The following PPP2R5A variants were observed in gnomAD, a reference collection of about 807,000 sequenced individuals.
PPP2R5A encodes serine/threonine-protein phosphatase 2A 56 kDa regulatory subunit alpha isoform.
PPP2R5A carries 25 observed loss-of-function variants against 64.2 expected under a neutral mutation model. The ratio of observed to expected loss-of-function variants is 0.39; its 90% CI spans 0.28 to 0.54. The LOEUF (loss-of-function observed/expected upper bound fraction) is 0.54, where lower values mean the gene tolerates loss of function less well. Among genes scored for constraint, PPP2R5A ranks in the 20% least tolerant of loss-of-function variants. The pLI is 0.67. For synonymous variants in PPP2R5A, 198 were observed against 201.2 expected (o/e 0.98, Z 0.13); for missense variants, 425 against 576.3 (o/e 0.74, Z 2.69).
chr1:212,340,055 A>T (rs1245686256), intron 3 of PPP2R5A, among the ~76,000 whole-genome samples: 1 of 149,064 alleles, frequency 6.7e-6, no homozygotes, highest in Non-Finnish European at 1.5e-5. Flanking sequence ...GCACGTTAGG[A>T]TGCTGAGGCG....
chr1:212,310,625 C>T (rs12143853), intron 1 of PPP2R5A, among the ~76,000 whole-genome samples: 23,483 of 152,124 alleles, frequency 0.15, 2,507 homozygotes, highest in East Asian at 0.36. Flanking sequence ...AGCAGCAGCC[C>T]GAGGTCTTCT....
At chr1:212,295,714 T>C (rs1658681484) in intron 1 of PPP2R5A, among the ~76,000 whole-genome samples, 1 of 151,730 alleles carries the variant, frequency 6.6e-6, no homozygotes, top group African/African-American at 2.4e-5. Flanking sequence ...AACTGGGGGA[T>C]GGGTGGGGAA....
At chr1:212,314,030 CT>C (rs1278880886) in intron 1 of PPP2R5A, among the ~76,000 whole-genome samples, 1 of 152,164 alleles carries the variant, frequency 6.6e-6, no homozygotes, top group Non-Finnish European at 1.5e-5. Context: ...TTATTTATCT[CT>C]TTCATACATT....
intron 6 of PPP2R5A, among the ~76,000 whole-genome samples, chr1:212,347,743 A>G (rs1263687819): frequency 1.3e-5 from 2 of 151,930 alleles, no homozygotes; most frequent in Non-Finnish European, 2.9e-5. Flanking sequence ...ATGGGGTTTC[A>G]CCGTGTTGGC....
chr1:212,320,021 A>T (rs112703791), intron 1 of PPP2R5A, among the ~76,000 whole-genome samples: 22,307 of 145,160 alleles, frequency 0.15, 2,351 homozygotes, highest in East Asian at 0.37. Context: ...GGGTCACAGG[A>T]CAATAGTGGA....
chr1:212,343,573 A>G (rs970471184), intron 4 of PPP2R5A, among the ~76,000 whole-genome samples: 1 of 152,226 alleles, frequency 6.6e-6, no homozygotes, highest in Admixed American at 6.5e-5. Context: ...TCAGCCTAAA[A>G]TATTTCCTTC....
At chr1:212,342,052 C>T in intron 3 of PPP2R5A, 136 bp from the exon 4 acceptor site, 3 of 1,297,432 alleles carry the variant, frequency 2.3e-6, no homozygotes, top group Admixed American at 3.1e-5. Context: ...TTTTTATCAA[C>T]TCATTACATT....
intron 8 of PPP2R5A, among the ~76,000 whole-genome samples, chr1:212,350,373 C>T (rs554554361): frequency 4.6e-5 from 7 of 152,178 alleles, no homozygotes; most frequent in East Asian, 1.9e-4. Flanking sequence ...AGTTGATTCC[C>T]AGGTGTGCAG....
chr1:212,310,515 ACAAAATCTCT>A (rs1411828595), intron 1 of PPP2R5A, among the ~76,000 whole-genome samples: 11 of 152,116 alleles, frequency 7.2e-5, no homozygotes, highest in African/African-American at 2.7e-4. Flanking sequence ...CCCATCCCCC[ACAAAATCTCT>A]GGAGTCGGGG....
chr1:212,301,886 G>A, intron 1 of PPP2R5A: 1 of 1,321,068 alleles, frequency 7.6e-7, no homozygotes, highest in Non-Finnish European at 9.7e-7. Flanking sequence ...GTTAGCAGCA[G>A]TAATTAGGGA....
intron 1 of PPP2R5A, among the ~76,000 whole-genome samples, chr1:212,297,146 G>T (rs1658712559): frequency 9.3e-6 from 1 of 107,466 alleles, no homozygotes; most frequent in East Asian, 3.0e-4. Context: ...TTTGGAGACG[G>T]AGTCTCACTC....
intron 1 of PPP2R5A, among the ~76,000 whole-genome samples, chr1:212,305,035 A>ATT (rs3070963): frequency 0.091 from 9,859 of 107,882 alleles, 1,549 homozygotes; most frequent in African/African-American, 0.31. Flanking sequence ...CCGGCCCCCA[A>ATT]TTTTTTTTTT....
In PPP2R5A at chr1:212,345,867, G is replaced by A. The variant is rs1281369362; in HGVS notation, c.638G>A (p.Arg213Gln). The change falls in exon 5 of 13, where the codon CGA (arginine) becomes CAA (glutamine). Residue 213 changes from arginine to glutamine, a missense_variant. This residue lies in a region of PPP2R5A where 140 missense variants were observed against 204.4 expected (regional missense o/e 0.68). Transcript: ENST00000261461. ...ERDFLKTVLHRIYGKFLGLRA... is the reference protein window; with the variant it reads ...ERDFLKTVLHQIYGKFLGLRA... ...GACTTCCTGAAGACTGTTCTGCACC[G>A]AATTTATGGGAAATTTCTTGGATTA... The A allele has an allele frequency of 1.2e-6, 2 of 1,611,784 alleles. No individual in the cohort carries two copies. The highest frequency in any genetic ancestry group is 1.3e-5 in the African/African-American group (1 of 74,900).
chr1:212,347,504 G>C, intron 6 of PPP2R5A, 98 bp downstream of exon 6: 1 of 899,040 alleles, frequency 1.1e-6, no homozygotes, highest in Non-Finnish European at 1.7e-6. Flanking sequence ...TCATATTTTA[G>C]AGTTTAAATG....
intron 1 of PPP2R5A, among the ~76,000 whole-genome samples, chr1:212,303,239 C>T (rs1190455161): frequency 1.3e-5 from 2 of 152,140 alleles, no homozygotes; most frequent in African/African-American, 4.8e-5. Flanking sequence ...CGCTCCACAT[C>T]CTTACCAGTA....
chr1:212,357,285 G>T lies in PPP2R5A; in HGVS notation c.1226+1G>T. 6.4e-7 allele frequency: 1 copy of T among 1,561,970 alleles called. No individual in the cohort carries two copies. The highest frequency in any genetic ancestry group is 8.6e-7 in the Non-Finnish European group (1 of 1,161,912). ...AAATTTCCAAAGAACACTGGAATCCGTAAGTATCTTTTATATAGGTCGTAT... is the reference window on the plus strand; with the variant it reads ...AAATTTCCAAAGAACACTGGAATCCTTAAGTATCTTTTATATAGGTCGTAT... On this transcript the variant is annotated splice_donor_variant, in intron 11 of 12. Coordinates refer to ENST00000261461, the MANE Select transcript of PPP2R5A (RefSeq NM_006243.4). LOFTEE classifies it high-confidence loss of function.
At chr1:212,342,613 A>G (rs897278044) in intron 4 of PPP2R5A, among the ~76,000 whole-genome samples, 9 of 152,238 alleles carry the variant, frequency 5.9e-5, no homozygotes, top group African/African-American at 1.9e-4. Flanking sequence ...TTTGTTTTAC[A>G]TTTGTAAGTC....
intron 8 of PPP2R5A, chr1:212,352,931 G>A (rs991385980): frequency 1.2e-5 from 6 of 518,774 alleles, no homozygotes; most frequent in Admixed American, 5.8e-5. Context: ...TGATCTGCAA[G>A]ATTTTGGGAA....
At chr1:212,297,343 T>C (rs1658716320) in intron 1 of PPP2R5A, 1 of 151,966 alleles carries the variant, frequency 6.6e-6, no homozygotes, top group Admixed American at 6.6e-5. Context: ...CTTAAACTCC[T>C]GACCTCGTGA....
Sources: allele counts gnomAD v4.1 joint callset (sites outside exome capture counted in the v4.1 genomes callset), GRCh38; gene constraint gnomAD v4.1.1; regional missense constraint gnomAD v4.1.1; transcripts MANE v1.5; gene names NCBI Gene and HGNC (gene_info 2026-07-23, HGNC 2026-07-21).